SCAPER: variants seen among roughly 807,000 people sequenced by gnomAD.
SCAPER encodes S-phase cyclin A associated protein in the ER, also known as S phase cyclin A-associated protein in the endoplasmic reticulum.
In SCAPER, 98 loss-of-function variants were observed where a neutral mutation model predicts 182.2. The observed-to-expected ratio is 0.54, with a 90% confidence interval of 0.46 to 0.64. The LOEUF (loss-of-function observed/expected upper bound fraction) is 0.64. Among genes scored for constraint, SCAPER ranks in the 30% least tolerant of loss-of-function variants. SCAPER has a pLI of 0.00. For synonymous variants in SCAPER, 605 were observed against 564.6 expected (o/e 1.07, Z -1.01); for missense variants, 1,432 against 1,690.0 (o/e 0.85, Z 2.68).
At chr15:76,657,588 C>A (rs374212540) in intron 21 of SCAPER, among the ~76,000 whole-genome samples, 237 of 129,590 alleles carry the variant, frequency 1.8e-3, no homozygotes, top group South Asian at 2.4e-3. Flanking sequence ...GACACAACAA[C>A]AAAAAAAAAA....
At chr15:76,770,970 A>C (rs1333196086) in intron 10 of SCAPER, among the ~76,000 whole-genome samples, 6 of 152,148 alleles carry the variant, frequency 3.9e-5, no homozygotes, top group Non-Finnish European at 8.8e-5. Context: ...TACTGTTATT[A>C]TCCCTATAAA....
At chr15:76,700,866 T>C (rs1248263528) in intron 20 of SCAPER, among the ~76,000 whole-genome samples, 1 of 152,162 alleles carries the variant, frequency 6.6e-6, no homozygotes, top group Admixed American at 6.5e-5. Context: ...ACATACTGTA[T>C]GATAACATTT....
intron 5 of SCAPER, among the ~76,000 whole-genome samples, chr15:76,826,668 G>A (rs2068049330): frequency 6.6e-6 from 1 of 151,502 alleles, no homozygotes; most frequent in Non-Finnish European, 1.5e-5. Flanking sequence ...CTAAAACAAA[G>A]TCTTTAAATA....
At chr15:76,466,421 T>C (rs867295509) in intron 25 of SCAPER, among the ~76,000 whole-genome samples, 9 of 110,716 alleles carry the variant, frequency 8.1e-5, no homozygotes, top group African/African-American at 2.9e-4. Flanking sequence ...TGGTTCTTCT[T>C]TTTTTTTTTT....
intron 23 of SCAPER, among the ~76,000 whole-genome samples, chr15:76,531,821 T>G (rs1002718471): frequency 6.6e-6 from 1 of 152,176 alleles, no homozygotes; most frequent in Non-Finnish European, 1.5e-5. Context: ...CAGTCTTCAG[T>G]AAAGTCAATG....
At chr15:76,472,908 A>G (rs769029954) in intron 24 of SCAPER, among the ~76,000 whole-genome samples, 4 of 152,112 alleles carry the variant, frequency 2.6e-5, no homozygotes, top group Non-Finnish European at 4.4e-5. Flanking sequence ...TTCCCTTGTC[A>G]TCTTCAACAT....
chr15:76,883,902 T>A, intron 1 of SCAPER, 26 bp from the exon 2 acceptor site: 1 of 984,270 alleles, frequency 1.0e-6, no homozygotes, highest in Non-Finnish European at 1.5e-6. Flanking sequence ...TATATACGCT[T>A]AGTTATAACA....
chr15:76,562,833 A>G (rs1240377212), intron 23 of SCAPER, among the ~76,000 whole-genome samples: 1 of 152,216 alleles, frequency 6.6e-6, no homozygotes, highest in Non-Finnish European at 1.5e-5. Context: ...AAATAATCCA[A>G]ATGTCCATCA....
chr15:76,815,051 A>AC (rs57560343), intron 5 of SCAPER, among the ~76,000 whole-genome samples: 122,424 of 150,678 alleles, frequency 0.81, 50,476 homozygotes, highest in Middle Eastern at 0.91. Flanking sequence ...GCAAATTAAA[A>AC]CAAAAAAAAA....
chr15:76,719,935 A>C (rs34272342), intron 17 of SCAPER, among the ~76,000 whole-genome samples: 57,668 of 150,756 alleles, frequency 0.38, 12,945 homozygotes, highest in Middle Eastern at 0.52. Context: ...TTTTTTTTTT[A>C]ATTATTATTA....
chr15:76,687,619 C>A (rs561976050), intron 20 of SCAPER, among the ~76,000 whole-genome samples: 1 of 152,058 alleles, frequency 6.6e-6, no homozygotes, highest in East Asian at 1.9e-4. Flanking sequence ...GGCCCCGGTG[C>A]GTGATGTTCC....
At chr15:76,746,775 G>A (rs975472124) in intron 15 of SCAPER, among the ~76,000 whole-genome samples, 1 of 152,100 alleles carries the variant, frequency 6.6e-6, no homozygotes, top group Admixed American at 6.5e-5. Context: ...ATTTATAATT[G>A]CATCCAAAAG....
At chr15:76,839,349 T>C (rs984327456) in intron 5 of SCAPER, among the ~76,000 whole-genome samples, 8 of 152,166 alleles carry the variant, frequency 5.3e-5, no homozygotes, top group African/African-American at 1.9e-4. Context: ...TGAATCCACG[T>C]ACAAAATGAG....
intron 6 of SCAPER, among the ~76,000 whole-genome samples, chr15:76,800,757 G>A (rs1471416816): frequency 6.6e-6 from 1 of 152,222 alleles, no homozygotes; most frequent in African/African-American, 2.4e-5. Context: ...TGGAGAGTTT[G>A]TGAAACATGT....
intron 21 of SCAPER, among the ~76,000 whole-genome samples, chr15:76,653,199 C>T (rs554321302): frequency 1.3e-4 from 19 of 151,708 alleles, no homozygotes; most frequent in Non-Finnish European, 2.2e-4. Context: ...ACAAAACTGC[C>T]GAAAAAAAAT....
chr15:76,771,380 T>C (rs1455816210), intron 10 of SCAPER, among the ~76,000 whole-genome samples: 3 of 152,072 alleles, frequency 2.0e-5, no homozygotes, highest in African/African-American at 7.2e-5. Flanking sequence ...AAGAAAGTTT[T>C]TAAAACTAAG....
At chr15:76,664,905 C>T (rs1190488169) in intron 21 of SCAPER, among the ~76,000 whole-genome samples, 11 of 152,152 alleles carry the variant, frequency 7.2e-5, no homozygotes, top group Admixed American at 7.2e-4. Context: ...GAGATAACTG[C>T]ACTGTTCACT....
At chr15:76,525,990 A>G (rs2043168578) in intron 23 of SCAPER, among the ~76,000 whole-genome samples, 1 of 152,186 alleles carries the variant, frequency 6.6e-6, no homozygotes, top group African/African-American at 2.4e-5. Flanking sequence ...GAGTAGACGC[A>G]TTCCTTTTTC....
chr15:76,363,249 A>T (rs939114926), intron 29 of SCAPER, among the ~76,000 whole-genome samples: 1 of 152,256 alleles, frequency 6.6e-6, no homozygotes. Context: ...CCTGGAAAAC[A>T]ACAGGTGTTC....
Sources: allele counts gnomAD v4.1 joint callset (sites outside exome capture counted in the v4.1 genomes callset), GRCh38; gene constraint gnomAD v4.1.1; transcripts MANE v1.5; gene names NCBI Gene and HGNC (gene_info 2026-07-23, HGNC 2026-07-21).